Variants in NELL1 observed in about 807,000 individuals in gnomAD.
The protein encoded by NELL1 is neural EGFL like 1.
In NELL1, 76 loss-of-function variants were observed where a neutral mutation model predicts 107.4. The ratio of observed to expected loss-of-function variants is 0.71; its 90% confidence interval spans 0.59 to 0.86. The LOEUF is 0.86. NELL1 is among the 40% of genes least tolerant of loss of function. NELL1 has a pLI of 0.00. For missense variants in NELL1, 1,024 were observed against 1,005.5 expected, an observed-to-expected ratio of 1.02 and a Z score of -0.25; for synonymous variants, 353 against 341.2, an observed-to-expected ratio of 1.03 and a Z score of -0.38.
chr11:20,833,754 GAGT>G (rs1646343261), intron 3 of NELL1, among the ~76,000 whole-genome samples: 1 of 152,198 alleles, frequency 6.6e-6, no homozygotes, highest in South Asian at 2.1e-4. Context: ...AGAGCTGAAT[GAGT>G]AGAAGTTAGC....
chr11:20,971,031 C>G (rs991853750), intron 12 of NELL1, among the ~76,000 whole-genome samples: 1 of 152,152 alleles, frequency 6.6e-6, no homozygotes, highest in Non-Finnish European at 1.5e-5. Flanking sequence ...TGCTTTGTGT[C>G]TGTCCCCAAA....
At chr11:20,720,860 C>G (rs1307382122) in intron 2 of NELL1, among the ~76,000 whole-genome samples, 1 of 152,116 alleles carries the variant, frequency 6.6e-6, no homozygotes, top group African/African-American at 2.4e-5. Flanking sequence ...GGCCCTATCT[C>G]TAAACAAAGT....
At chr11:20,892,285 A>G (rs1016764316) in intron 5 of NELL1, among the ~76,000 whole-genome samples, 3 of 152,232 alleles carry the variant, frequency 2.0e-5, no homozygotes, top group Non-Finnish European at 4.4e-5. Flanking sequence ...TAATGAAATT[A>G]AGGCAGAAAT....
At position 21,271,389 on chromosome 11, in the gene NELL1, A is replaced by G. The variant is rs113164886; in HGVS notation, c.1549+41935A>G. On this transcript the variant is annotated intron_variant, in intron 14 of 19. Transcript: ENST00000357134. ...ATGCCCAAAATTTGATAACCTATGTAAAATGAACCAATTTCTTGAAAGATA... is the reference window on the plus strand; with the variant it reads ...ATGCCCAAAATTTGATAACCTATGTGAAATGAACCAATTTCTTGAAAGATA... Among the ~76,000 whole-genome samples, 848 of 152,332 alleles carry G rather than the reference A, an allele frequency of 5.6e-3. 12 individuals are homozygous for G. Among genetic ancestry groups the G allele is most frequent in the African/African-American group, 0.019 (783 of 41,576 alleles).
chr11:20,915,717 A>ATATATATATATATATATATATATATATTT, intron 5 of NELL1, among the ~76,000 whole-genome samples: 3 of 58,218 alleles, frequency 5.2e-5, no homozygotes, highest in African/African-American at 8.8e-5. Flanking sequence ...ATATATATAT[A>ATATATATATATATATATATATATATATTT]TTTTTTTTTT....
At chr11:21,124,780 T>C (rs1442277224) in intron 13 of NELL1, among the ~76,000 whole-genome samples, 1 of 151,980 alleles carries the variant, frequency 6.6e-6, no homozygotes, top group East Asian at 1.9e-4. Flanking sequence ...TTTGTATTTT[T>C]AGTACAGACA....
At chr11:20,749,260 A>C (rs1279948264) in intron 2 of NELL1, among the ~76,000 whole-genome samples, 1 of 152,130 alleles carries the variant, frequency 6.6e-6, no homozygotes, top group East Asian at 1.9e-4. Context: ...CACGTTTTGT[A>C]AAAGAGCAAA....
chr11:21,178,982 A>C (rs1010973846), intron 13 of NELL1, among the ~76,000 whole-genome samples: 1 of 151,764 alleles, frequency 6.6e-6, no homozygotes, highest in Non-Finnish European at 1.5e-5. Flanking sequence ...AATCTGACTG[A>C]ACAGGGGATA....
At chr11:21,558,398 TAATATATA>T (rs1856771859) in intron 16 of NELL1, among the ~76,000 whole-genome samples, 1 of 146,302 alleles carries the variant, frequency 6.8e-6, no homozygotes, top group Non-Finnish European at 1.5e-5. Flanking sequence ...TCAAGCTACA[TAATATATA>T]TATATATATT....
intron 12 of NELL1, among the ~76,000 whole-genome samples, chr11:21,022,736 T>A (rs1288951287): frequency 6.6e-6 from 1 of 152,156 alleles, no homozygotes; most frequent in Non-Finnish European, 1.5e-5. Flanking sequence ...ACATGCCTCC[T>A]ATATTTCTAT....
At chr11:21,066,994 TAA>T (rs1331409989) in intron 12 of NELL1, among the ~76,000 whole-genome samples, 13 of 151,578 alleles carry the variant, frequency 8.6e-5, no homozygotes, top group Non-Finnish European at 1.6e-4. Flanking sequence ...AATAAATAAA[TAA>T]ATAGAGTTCC....
chr11:20,745,901 C>T (rs1430943287), intron 2 of NELL1, among the ~76,000 whole-genome samples: 1 of 152,168 alleles, frequency 6.6e-6, no homozygotes, highest in African/African-American at 2.4e-5. Context: ...TGACTCTGAG[C>T]TTAGTGTTCT....
chr11:21,231,499 G>A (rs1858049319), intron 14 of NELL1, among the ~76,000 whole-genome samples: 1 of 152,040 alleles, frequency 6.6e-6, no homozygotes, highest in Non-Finnish European at 1.5e-5. Flanking sequence ...GTAATTCCAG[G>A]GATTATCAAG....
At chr11:21,241,882 A>G (rs1023120466) in intron 14 of NELL1, among the ~76,000 whole-genome samples, 19 of 147,044 alleles carry the variant, frequency 1.3e-4, no homozygotes, top group Non-Finnish European at 2.4e-4. Flanking sequence ...TTCTGGTTCG[A>G]CTGAATTCGA....
Position 21,559,964 on chromosome 11 carries a change from A to G in NELL1, c.1787-225A>G, listed in dbSNP as rs111878091. On this transcript the variant is annotated intron_variant, in intron 16 of 19. Transcript: ENST00000357134. ...TGACAGTGGTCATGTTATTTAAGTT[A>G]TGAACCTCAGCTTCATTATTTGCAG... Among the ~76,000 whole-genome samples the G allele has an allele frequency of 4.0e-3, 606 of 152,258 alleles. 5 individuals carry two copies. Among genetic ancestry groups the G allele is most frequent in the African/African-American group, 0.014 (575 of 41,568 alleles).
At chr11:20,899,894 C>A (rs1849834965) in intron 5 of NELL1, among the ~76,000 whole-genome samples, 1 of 22,012 alleles carries the variant, frequency 4.5e-5, no homozygotes. Flanking sequence ...CCAAAATGGA[C>A]TTCAAATAAC....
chr11:20,978,843 C>T (rs965696625), intron 12 of NELL1, among the ~76,000 whole-genome samples: 13 of 152,258 alleles, frequency 8.5e-5, no homozygotes, highest in African/African-American at 2.6e-4. Context: ...GATTCTCCCA[C>T]GTTACTGCTC....
intron 12 of NELL1, among the ~76,000 whole-genome samples, chr11:20,964,641 C>T (rs1214720509): frequency 6.6e-6 from 1 of 152,168 alleles, no homozygotes; most frequent in Non-Finnish European, 1.5e-5. Context: ...GACTTAAATG[C>T]TCCCTCTTCT....
At chr11:20,703,784 G>A (rs938518638) in intron 2 of NELL1, among the ~76,000 whole-genome samples, 2 of 152,216 alleles carry the variant, frequency 1.3e-5, no homozygotes, top group Admixed American at 6.5e-5. Context: ...TCAGGAGCAG[G>A]TTGTTCAGTT....
Sources: allele counts gnomAD v4.1 joint callset (sites outside exome capture counted in the v4.1 genomes callset), GRCh38; gene constraint gnomAD v4.1.1; transcripts MANE v1.5; gene names NCBI Gene and HGNC (gene_info 2026-07-23, HGNC 2026-07-21).